SNRPN: variants seen among roughly 807,000 people sequenced by gnomAD.
The protein encoded by SNRPN is small nuclear ribonucleoprotein-associated protein N.
Under a neutral mutation model 25.2 loss-of-function variants are expected in SNRPN, and 7 were observed. The ratio of observed to expected loss-of-function variants is 0.28; its 90% CI spans 0.16 to 0.52. The LOEUF (loss-of-function observed/expected upper bound fraction) is 0.52, where lower values mean the gene tolerates loss of function less well. SNRPN is among the 20% of genes least tolerant of loss of function. The pLI is 0.96. For missense variants in SNRPN, 196 were observed against 322.5 expected (o/e 0.61, Z 3.00); for synonymous variants, 124 against 110.6 (o/e 1.12, Z -0.76).
chr15:24,877,938 A>T (rs12903615), intron 1 of SNRPN, among the ~76,000 whole-genome samples: 37,527 of 152,176 alleles, frequency 0.25, 5,159 homozygotes, highest in East Asian at 0.52. Flanking sequence ...TAAGTAGTGC[A>T]CGGGTTAAAG....
Position 24,919,286 on chromosome 15 carries a change from C to G in SNRPN, c.-504-725C>G, listed in dbSNP as rs867132415. ...CTACTAAAAATACACAAAAAATTAG[C>G]CGGGCGTCGTGGCGGGCACCTGTAG... On this transcript the variant is annotated intron_variant, in intron 2 of 11. Coordinates refer to the SNRPN transcript ENST00000400097. Among the ~76,000 whole-genome samples the G allele has an allele frequency of 6.6e-5, 10 of 151,756 alleles. No homozygotes were observed. The Middle Eastern group carries it at 0.01, about 156-fold the overall frequency.
upstream of SNRPN, among the ~76,000 whole-genome samples, chr15:24,953,960 G>A (rs911015267): frequency 7.2e-5 from 11 of 152,150 alleles, no homozygotes; most frequent in African/African-American, 2.2e-4. Context: ...AGCTTACAGG[G>A]CTTGGGAGGG....
intron 2 of SNRPN, among the ~76,000 whole-genome samples, chr15:24,965,590 T>G (rs1241179567): frequency 1.3e-5 from 2 of 152,214 alleles, no homozygotes; most frequent in African/African-American, 4.8e-5. Flanking sequence ...TTATTCTGTC[T>G]TTCAGTGTAT....
chr15:24,922,148 G>A (rs2060066016), intron 3 of SNRPN, among the ~76,000 whole-genome samples: 1 of 152,130 alleles, frequency 6.6e-6, no homozygotes, highest in South Asian at 2.1e-4. Context: ...GGGAGGCGGA[G>A]GTTGCAGTGA....
intron 2 of SNRPN, among the ~76,000 whole-genome samples, chr15:24,917,612 G>T (rs951316155): frequency 2.0e-5 from 3 of 152,224 alleles, no homozygotes; most frequent in African/African-American, 7.2e-5. Flanking sequence ...TTCTGGGAAG[G>T]TGACGTGTGG....
intron 2 of SNRPN, among the ~76,000 whole-genome samples, chr15:24,913,874 C>G (rs1257128383): frequency 6.6e-6 from 1 of 152,150 alleles, no homozygotes. Context: ...ATAGCATCTT[C>G]AGCAGAGAAC....
chr15:24,868,478 T>C (rs1392988783), intron 1 of SNRPN, among the ~76,000 whole-genome samples: 2 of 152,182 alleles, frequency 1.3e-5, no homozygotes, highest in Non-Finnish European at 1.5e-5. Context: ...CATAGCATAA[T>C]TACCCATGTG....
chr15:24,928,290 G>A (rs184870812), intron 3 of SNRPN, among the ~76,000 whole-genome samples: 27 of 152,120 alleles, frequency 1.8e-4, no homozygotes, highest in East Asian at 9.7e-4. Flanking sequence ...GTTCATTGCA[G>A]CATTATTCAC....
At chr15:24,912,322 C>T (rs911518640) in intron 2 of SNRPN, 11 of 152,132 alleles carry the variant, frequency 7.2e-5, no homozygotes, top group African/African-American at 2.7e-4. Flanking sequence ...GCCTGTCCAA[C>T]CATTGTATTT....
intron 3 of SNRPN, among the ~76,000 whole-genome samples, chr15:24,944,162 G>C (rs1316500025): frequency 7.9e-5 from 12 of 152,206 alleles, no homozygotes; most frequent in Admixed American, 7.9e-4. Context: ...CATAGAGGCA[G>C]AGAAATTTAT....
At chr15:24,896,708 C>T (rs28411874) in intron 2 of SNRPN, among the ~76,000 whole-genome samples, 14,240 of 149,840 alleles carry the variant, frequency 0.095, 1,077 homozygotes, top group Admixed American at 0.19. Flanking sequence ...AGCGAGACTC[C>T]GTCTAAAAAA....
At chr15:24,949,494 T>A (rs2062100700) in intron 3 of SNRPN, among the ~76,000 whole-genome samples, 1 of 149,956 alleles carries the variant, frequency 6.7e-6, no homozygotes, top group Non-Finnish European at 1.5e-5. Context: ...TACAAAAAAA[T>A]AAAAAAATTA....
At chr15:24,978,033 A>T in intron 8 of SNRPN, 117 bp downstream of exon 8, 1 of 1,221,536 alleles carries the variant, frequency 8.2e-7, no homozygotes, top group Non-Finnish European at 1.2e-6. Flanking sequence ...TCTTCTAGAT[A>T]CTGGTTTTTA....
Position 24,968,029 on chromosome 15 carries a change from G to A in SNRPN, c.-197G>A. The A allele has an allele frequency of 1.2e-6, 2 of 1,614,052 alleles. No homozygotes were observed. The highest frequency in any genetic ancestry group is 1.7e-6 in the Non-Finnish European group (2 of 1,179,974). ...GGCATTCTTAGCTGAGACACCAAGA[G>A]GTGGTTAAAGCCATATTGGAGTAGC... On this transcript the variant is annotated 5_prime_UTR_variant, in exon 3 of 10. Coordinates refer to ENST00000390687, the MANE Select transcript of SNRPN (RefSeq NM_003097.6).
intron 3 of SNRPN, among the ~76,000 whole-genome samples, chr15:24,972,139 C>G (rs559491105): frequency 6.6e-6 from 1 of 151,700 alleles, no homozygotes; most frequent in Non-Finnish European, 1.5e-5. Flanking sequence ...GCCTGTAATC[C>G]TAGCTACTCA....
At chr15:24,863,910 G>A (rs1179867756) in intron 1 of SNRPN, among the ~76,000 whole-genome samples, 2 of 150,266 alleles carry the variant, frequency 1.3e-5, no homozygotes, top group Non-Finnish European at 2.9e-5. Context: ...CTTTTCTCCT[G>A]CTTACTTTGG....
intron 1 of SNRPN, among the ~76,000 whole-genome samples, chr15:24,960,340 TG>T (rs1186251059): frequency 3.9e-5 from 6 of 151,938 alleles, no homozygotes; most frequent in Non-Finnish European, 7.4e-5. Flanking sequence ...GGCATTTCAG[TG>T]GGGGTTTTTT....
Position 24,910,896 on chromosome 15 carries a change from C to T in SNRPN, c.-504-9115C>T, listed in dbSNP as rs980353366. On this transcript the variant is annotated intron_variant, in intron 2 of 11. Transcript: ENST00000400097. ...TTAGTGCTGCTTTCTCCTGAAGGAC[C>T]ATCCTTCCATAAGCCTTGCTTTTCC... 1.5e-5 allele frequency: 10 copies of T among 663,688 alleles called. No homozygotes were observed. In the African/African-American group the frequency reaches 1.6e-4, roughly 11 times the overall value. The allele number at this position is 663,688 out of a possible 1,614,324, so 41.1% of individuals were successfully genotyped here. A position where few individuals can be genotyped will look rare whatever the true frequency, so the allele number is the denominator to read the frequency against.
intron 2 of SNRPN, among the ~76,000 whole-genome samples, chr15:24,963,434 G>A (rs2075147885): frequency 6.6e-6 from 1 of 151,868 alleles, no homozygotes; most frequent in Admixed American, 6.6e-5. Context: ...GGCCAACATG[G>A]TGAAACCCCG....
Sources: gnomAD v4.1 joint callset for allele counts (sites outside exome capture counted in the v4.1 genomes callset) on GRCh38, gnomAD v4.1.1 for gene constraint, MANE v1.5 for transcripts, NCBI Gene and HGNC (gene_info 2026-07-23, HGNC 2026-07-21) for gene names.